Variants in ZMPSTE24 observed in about 807,000 individuals in gnomAD.
The protein encoded by ZMPSTE24 is zinc metallopeptidase STE24.
ZMPSTE24 carries 48 observed loss-of-function variants against 56.7 expected under a neutral mutation model. The observed-to-expected ratio is 0.85, with a 90% CI of 0.67 to 1.08. The LOEUF is 1.08. Among genes scored for constraint, ZMPSTE24 ranks in the 50% least tolerant of loss-of-function variants. The pLI is 0.00. For synonymous variants in ZMPSTE24, 172 were observed against 195.2 expected (o/e 0.88, Z 0.99); for missense variants, 503 against 548.7 (o/e 0.92, Z 0.83).
intron 2 of ZMPSTE24, among the ~76,000 whole-genome samples, chr1:40,266,237 C>A (rs2124579469): frequency 6.6e-6 from 1 of 152,168 alleles, no homozygotes; most frequent in South Asian, 2.1e-4. Flanking sequence ...TACCAAAACC[C>A]CTCAAACCAT....
intron 6 of ZMPSTE24, among the ~76,000 whole-genome samples, chr1:40,278,069 C>G (rs1193376179): frequency 6.6e-6 from 1 of 151,450 alleles, no homozygotes. Flanking sequence ...ACATGTTTGG[C>G]TCTTCCTGGC....
intron 2 of ZMPSTE24, among the ~76,000 whole-genome samples, chr1:40,266,988 G>A (rs933712947): frequency 4.1e-5 from 6 of 147,328 alleles, no homozygotes; most frequent in South Asian, 4.2e-4. Flanking sequence ...GGCTGGTCTC[G>A]AATTCCTGAG....
At chr1:40,284,927 C>CT (rs201590300) in intron 7 of ZMPSTE24, among the ~76,000 whole-genome samples, 61,104 of 126,740 alleles carry the variant, frequency 0.48, 15,328 homozygotes, top group African/African-American at 0.68. Flanking sequence ...AACATCATCC[C>CT]TTTTTTTTTT....
intron 7 of ZMPSTE24, 127 bp downstream of exon 7, chr1:40,281,654 G>C (rs1038201770): frequency 1.0e-6 from 1 of 987,744 alleles, no homozygotes; most frequent in African/African-American, 1.6e-5. Flanking sequence ...GAAAACCATG[G>C]CTCCTTTATA....
In ZMPSTE24 at chr1:40,272,008, C is replaced by G; in HGVS notation, c.742C>G (p.Pro248Ala). Residue 248 changes from proline to alanine, a missense_variant, in exon 6 of 10, where the codon CCT becomes GCT. By Grantham distance (27) the Pro-to-Ala change is conservative. Coordinates refer to ENST00000372759, the MANE Select transcript of ZMPSTE24 (RefSeq NM_005857.5). ...AGTAATGGCAAAGAGTATTGACTTT[C>G]CTTTGACGAAGGTGTATGTTGTGGA... ...IEVMAKSIDF[P>A]LTKVYVVEGS... 1 of 1,611,792 alleles carries G rather than the reference C, an allele frequency of 6.2e-7. No individual in the cohort carries two copies. The highest frequency in any genetic ancestry group is 8.5e-7 in the Non-Finnish European group (1 of 1,178,766).
chr1:40,276,911 A>G (rs190920123), intron 6 of ZMPSTE24, among the ~76,000 whole-genome samples: 2 of 152,306 alleles, frequency 1.3e-5, no homozygotes, highest in East Asian at 3.9e-4. Context: ...CTGCTACAAC[A>G]TTACGGTGGC....
chr1:40,259,178 A>C (rs191990306), intron 1 of ZMPSTE24, among the ~76,000 whole-genome samples: 248 of 152,282 alleles, frequency 1.6e-3, no homozygotes, highest in South Asian at 6.2e-3. Flanking sequence ...AAATAAATGA[A>C]ATTAAATGAA....
intron 6 of ZMPSTE24, among the ~76,000 whole-genome samples, chr1:40,279,137 T>G (rs1343241663): frequency 2.0e-5 from 3 of 151,944 alleles, no homozygotes; most frequent in African/African-American, 7.2e-5. Context: ...AGACCCTGTC[T>G]CAAAAGAAAA....
intron 6 of ZMPSTE24, 139 bp from the exon 7 acceptor site, chr1:40,281,204 T>G (rs1200624209): frequency 1.2e-5 from 10 of 865,298 alleles, no homozygotes; most frequent in African/African-American, 1.7e-5. Context: ...TGGTGAATTA[T>G]GTTGATATGA....
intron 1 of ZMPSTE24, among the ~76,000 whole-genome samples, chr1:40,259,804 G>A (rs1468746312): frequency 6.6e-6 from 1 of 151,908 alleles, no homozygotes; most frequent in Non-Finnish European, 1.5e-5. Context: ...TAGAGATGTT[G>A]CCCGGGGTGG....
intron 8 of ZMPSTE24, among the ~76,000 whole-genome samples, chr1:40,288,803 A>G (rs532747084): frequency 2.0e-5 from 3 of 151,744 alleles, no homozygotes; most frequent in South Asian, 4.2e-4. Flanking sequence ...GCCATCCTCT[A>G]CTTTTTTCCA....
At chr1:40,260,009 C>T (rs999069176) in intron 1 of ZMPSTE24, among the ~76,000 whole-genome samples, 9 of 150,874 alleles carry the variant, frequency 6.0e-5, no homozygotes, top group African/African-American at 2.2e-4. Context: ...ACTGAAATTA[C>T]CCTTACCTTT....
Position 40,284,454 on chromosome 1 carries a change from T to G in ZMPSTE24, c.955-1471T>G, listed in dbSNP as rs558547966. Among the ~76,000 whole-genome samples the G allele has an allele frequency of 1.1e-4, 17 of 152,108 alleles. No individual in the cohort carries two copies. The East Asian group carries it at 3.3e-3, about 29-fold the overall frequency. On this transcript the variant is annotated intron_variant, in intron 7 of 9. Coordinates refer to ENST00000372759, the MANE Select transcript of ZMPSTE24 (RefSeq NM_005857.5). ...AAATCCTTGGTTATTTGCTCCTTAG[T>G]AAGAGAATGGGACTAGGCCCCACAC...
Position 40,270,050 on chromosome 1 carries a change from C to G in ZMPSTE24, c.550C>G (p.Leu184Val). The G allele has an allele frequency of 6.2e-7, 1 of 1,613,918 alleles. No homozygotes were observed. Among genetic ancestry groups the G allele is most frequent in the South Asian group, 1.1e-5 (1 of 91,028 alleles). Residue 184 changes from leucine to valine, a missense_variant, in exon 5 of 10, where the codon CTT (leucine) becomes GTT (valine). Leu to Val is a conservative substitution (Grantham distance 32). Coordinates refer to ENST00000372759, the MANE Select transcript of ZMPSTE24 (RefSeq NM_005857.5). ...TQCILLPVSS[L>V]LLYIIKIGGD... ...GTGTATTTTGTTGCCTGTGTCTTCA[C>G]TTCTACTTTACATTATTAAAATTGG...
At chr1:40,286,920 C>T (rs773828127) in intron 8 of ZMPSTE24, among the ~76,000 whole-genome samples, 2 of 151,286 alleles carry the variant, frequency 1.3e-5, no homozygotes, top group South Asian at 2.1e-4. Context: ...TTAGTAGAGA[C>T]GGGGTTTCTC....
At chr1:40,280,124 C>G (rs1643712721) in intron 6 of ZMPSTE24, among the ~76,000 whole-genome samples, 1 of 152,106 alleles carries the variant, frequency 6.6e-6, no homozygotes, top group African/African-American at 2.4e-5. Context: ...TTCCAGTTTG[C>G]TTCAAATGCC....
At chr1:40,287,431 A>G (rs1414168778) in intron 8 of ZMPSTE24, among the ~76,000 whole-genome samples, 1 of 151,938 alleles carries the variant, frequency 6.6e-6, no homozygotes, top group East Asian at 2.0e-4. Context: ...TAATCCCGGC[A>G]CTTTGGGAAG....
At chr1:40,270,226 A>G in intron 5 of ZMPSTE24, 99 bp downstream of exon 5, 1 of 1,355,840 alleles carries the variant, frequency 7.4e-7, no homozygotes, top group Non-Finnish European at 1.0e-6. Context: ...AAGCAGCTGA[A>G]ATATAAATAG....
intron 4 of ZMPSTE24, among the ~76,000 whole-genome samples, chr1:40,269,428 C>T (rs1309920945): frequency 1.3e-5 from 2 of 151,986 alleles, no homozygotes; most frequent in African/African-American, 4.8e-5. Context: ...TTATAAACTC[C>T]TTTAGCACTA....
Sources: gnomAD v4.1 joint callset for allele counts (sites outside exome capture counted in the v4.1 genomes callset) on GRCh38, gnomAD v4.1.1 for gene constraint, MANE v1.5 for transcripts, NCBI Gene and HGNC (gene_info 2026-07-23, HGNC 2026-07-21) for gene names.